SIGLECL1: variants seen among roughly 807,000 people sequenced by gnomAD.
SIGLECL1 encodes SIGLEC family-like protein 1.
A neutral mutation model predicts 19.1 loss-of-function variants in SIGLECL1; 16 were observed. That is an observed-to-expected ratio of 0.84 (90% CI 0.57 to 1.27). The LOEUF (loss-of-function observed/expected upper bound fraction) is 1.27, where lower values mean the gene tolerates loss of function less well. Among genes scored for constraint, SIGLECL1 ranks in the 50% most tolerant of loss-of-function variants. SIGLECL1 has a pLI of 0.00. For missense variants in SIGLECL1, 210 were observed against 239.4 expected (o/e 0.88, Z 0.81); for synonymous variants, 89 against 90.4 (o/e 0.98, Z 0.09).
At chr19:51,266,981 TGGGGCAAGTGATGA>T (rs1983727690) in intron 4 of SIGLECL1, among the ~76,000 whole-genome samples, 3 of 152,126 alleles carry the variant, frequency 2.0e-5, no homozygotes, top group Admixed American at 2.0e-4. Context: ...AGGCCTGACC[TGGGGCAAGTGATGA>T]GGGGCAGCCA....
intron 1 of SIGLECL1, among the ~76,000 whole-genome samples, chr19:51,258,843 G>A (rs1982997667): frequency 6.6e-6 from 1 of 152,158 alleles, no homozygotes; most frequent in African/African-American, 2.4e-5. Context: ...AAATTAGGTG[G>A]AGCAGTGAGA....
intron 4 of SIGLECL1, among the ~76,000 whole-genome samples, chr19:51,266,594 C>T (rs1356098496): frequency 6.6e-6 from 1 of 151,706 alleles, no homozygotes; most frequent in Non-Finnish European, 1.5e-5. Flanking sequence ...CCTTTGTATG[C>T]AGACGCCCAG....
chr19:51,258,121 G>C (rs1321115147), intron 1 of SIGLECL1, among the ~76,000 whole-genome samples: 15 of 152,170 alleles, frequency 9.9e-5, no homozygotes, highest in Admixed American at 9.8e-4. Flanking sequence ...AGTGAATTCT[G>C]TGAGTACTTC....
Position 51,267,497 on chromosome 19 carries a change from G to A in SIGLECL1, c.535G>A (p.Val179Ile), listed in dbSNP as rs369324697. The change falls in exon 5 of 6, where the codon GTA becomes ATA. Residue 179 changes from valine (V) to isoleucine (I), a missense_variant. By Grantham distance (29) the Val-to-Ile change is conservative. Coordinates refer to ENST00000601727, the MANE Select transcript of SIGLECL1 (RefSeq NM_001385465.1). Reference sequence around the variant, plus strand: ...GAAGCCTGAGGAACCAGGAAAACCCGTAGTCGCCACATTTTCTGAGAGCCG... The same window carrying A: ...GAAGCCTGAGGAACCAGGAAAACCCATAGTCGCCACATTTTCTGAGAGCCG... ...SLKPEEPGKP[V>I]VATFSESRIL... is the part of the protein sequence containing the mutation. The A allele has an allele frequency of 2.8e-5, 45 of 1,614,064 alleles. No individual in the cohort carries two copies. Among genetic ancestry groups the A allele is most frequent in the African/African-American group, 6.7e-5 (5 of 74,922 alleles).
Position 51,262,297 on chromosome 19 carries a change from G to A in SIGLECL1, c.-190-1586G>A, listed in dbSNP as rs376668630. Among the ~76,000 whole-genome samples the A allele has an allele frequency of 7.9e-5, 12 of 152,212 alleles. No individual in the cohort carries two copies. The East Asian group carries it at 1.7e-3, about 22-fold the overall frequency. ...GCTACTAACTACATATGGCTATTGA[G>A]CCCTTATATTATGGCTAGTCTGAAT... On this transcript the variant is annotated intron_variant, in intron 1 of 5. Coordinates refer to ENST00000601727, the MANE Select transcript of SIGLECL1 (RefSeq NM_001385465.1).
intron 1 of SIGLECL1, 85 bp from the exon 2 acceptor site, chr19:51,263,798 C>T (rs1983416989): frequency 5.5e-6 from 2 of 363,334 alleles, no homozygotes; most frequent in East Asian, 1.0e-4. Flanking sequence ...AGACATGACA[C>T]TGAGGCTTCA....
chr19:51,260,825 T>C (rs1371104658), intron 1 of SIGLECL1, among the ~76,000 whole-genome samples: 1 of 152,248 alleles, frequency 6.6e-6, no homozygotes, highest in Non-Finnish European at 1.5e-5. Context: ...TTAAGATTTG[T>C]CTTATGATCC....
At chr19:51,250,914 A>T (rs273644), upstream of SIGLECL1, among the ~76,000 whole-genome samples, 100,207 of 152,096 alleles carry the variant, frequency 0.66, 34,471 homozygotes, top group African/African-American at 0.85. Flanking sequence ...GGCTGTAGAA[A>T]AAGCTCATGC....
chr19:51,264,438 C>A (rs1377411521), intron 2 of SIGLECL1: 1 of 249,342 alleles, frequency 4.0e-6, no homozygotes, highest in Non-Finnish European at 7.8e-6. Flanking sequence ...AAAGACAATT[C>A]AGAGGACAGC....
chr19:51,250,084 C>CTT (rs529491900), upstream of SIGLECL1, among the ~76,000 whole-genome samples: 37 of 141,098 alleles, frequency 2.6e-4, 2 homozygotes, highest in Admixed American at 9.9e-4. Flanking sequence ...TGGCTGGCTT[C>CTT]TTTTTTTTTT....
Position 51,267,394 on chromosome 19 carries a change from G to A in SIGLECL1, c.432G>A (p.Lys144=), listed in dbSNP as rs1983759395. 1.9e-6 allele frequency: 3 copies of A among 1,613,114 alleles called. No individual in the cohort carries two copies. Among genetic ancestry groups the A allele is most frequent in the Non-Finnish European group, 1.7e-6 (2 of 1,180,014 alleles). ...TTAGAGTGAAACATATCAGAAAGAA[G>A]CAGGCGAAGAAAGCTGCAGCGATCA... ...LPLIVKHIRK[K]QAKKAAAIRA... is the part of the protein sequence containing the mutation. Residue 144 remains lysine (K), a synonymous_variant, in exon 5 of 6, where the codon AAG becomes AAA. Transcript: ENST00000601727.
intron 2 of SIGLECL1, among the ~76,000 whole-genome samples, chr19:51,264,903 A>G (rs565730404): frequency 1.3e-5 from 2 of 152,332 alleles, no homozygotes. Flanking sequence ...ATTCATTCTT[A>G]TAACGATGAT....
upstream of SIGLECL1, among the ~76,000 whole-genome samples, chr19:51,250,353 G>A (rs1025982683): frequency 1.3e-5 from 2 of 152,136 alleles, no homozygotes; most frequent in African/African-American, 4.8e-5. Flanking sequence ...CAAAGTGCTG[G>A]GATTACAGGC....
At chr19:51,247,631 C>T (rs140849439), upstream of SIGLECL1, among the ~76,000 whole-genome samples, 408 of 152,266 alleles carry the variant, frequency 2.7e-3, 2 homozygotes, top group Admixed American at 6.9e-3. Context: ...GTTAATCAGG[C>T]GGTCTCGAAC....
chr19:51,249,317 T>C (rs117446029), upstream of SIGLECL1, among the ~76,000 whole-genome samples: 2,908 of 152,196 alleles, frequency 0.019, 34 homozygotes, highest in Middle Eastern at 0.034. Flanking sequence ...GATGTTTAGG[T>C]AATAGCAGTC....
At chr19:51,262,606 C>G (rs1437326484) in intron 1 of SIGLECL1, among the ~76,000 whole-genome samples, 1 of 152,104 alleles carries the variant, frequency 6.6e-6, no homozygotes, top group Non-Finnish European at 1.5e-5. Context: ...CAGCACTGTT[C>G]TAGAAAAAAA....
chr19:51,249,907 G>A (rs898851715), upstream of SIGLECL1, among the ~76,000 whole-genome samples: 1 of 152,124 alleles, frequency 6.6e-6, no homozygotes, highest in African/African-American at 2.4e-5. Flanking sequence ...ATTTCTTGAT[G>A]ACATGCTAAA....
rs746675659 is a variant in SIGLECL1 at position 51,268,912 on chromosome 19, T to A, written c.*315T>A. ...AGAAGGAAAAATACATGTGACAATA[T>A]GAATCAAGTCCATCAGCAAGTTACT... On this transcript the variant is annotated 3_prime_UTR_variant, in exon 6 of 6. Transcript: ENST00000601727. The A allele has an allele frequency of 1.0e-5, 3 of 292,276 alleles. No individual in the cohort carries two copies. Among genetic ancestry groups the A allele is most frequent in the East Asian group, 1.4e-4 (2 of 14,232 alleles). 18.1% of individuals were successfully genotyped at this position (292,276 alleles called of 1,614,324 possible).
At chr19:51,253,599 C>T (rs1022127221) in intron 1 of SIGLECL1, among the ~76,000 whole-genome samples, 2 of 152,232 alleles carry the variant, frequency 1.3e-5, no homozygotes, top group Non-Finnish European at 2.9e-5. Context: ...ATTAGGTCTT[C>T]TGACTTCTGG....
Sources: gnomAD v4.1 joint callset for allele counts (sites outside exome capture counted in the v4.1 genomes callset) on GRCh38, gnomAD v4.1.1 for gene constraint, MANE v1.5 for transcripts, NCBI Gene and HGNC (gene_info 2026-07-23, HGNC 2026-07-21) for gene names.